The following GORASP2 variants were observed in gnomAD, a reference collection of about 807,000 sequenced individuals.
GORASP2 encodes the protein Golgi reassembly-stacking protein 2.
GORASP2 carries 22 observed loss-of-function variants against 45.7 expected under a neutral mutation model. That is an observed-to-expected ratio of 0.48 (90% CI 0.34 to 0.69). The LOEUF (loss-of-function observed/expected upper bound fraction) is 0.69. GORASP2 is among the 30% of genes least tolerant of loss of function. The pLI, the probability that GORASP2 is intolerant of heterozygous loss-of-function variation, is 0.01. For missense variants in GORASP2, 491 were observed against 562.7 expected (o/e 0.87, Z 1.29); for synonymous variants, 221 against 215.6 (o/e 1.02, Z -0.22).
chr2:170,948,326 T>C (rs1469104396), intron 1 of GORASP2, 24 bp from the exon 2 acceptor site: 2 of 1,396,262 alleles, frequency 1.4e-6, no homozygotes, highest in South Asian at 2.4e-5. Context: ...ACATTTTTTA[T>C]TTTTGTCGTT....
intron 7 of GORASP2, among the ~76,000 whole-genome samples, chr2:170,956,862 C>T (rs550829295): frequency 2.6e-5 from 4 of 151,780 alleles, no homozygotes; most frequent in South Asian, 2.1e-4. Context: ...AGCAGTGAGC[C>T]GTGATTGTGC....
At position 170,954,763 on chromosome 2, in the gene GORASP2, T is replaced by G. The variant is rs1436082760; in HGVS notation, c.680T>G (p.Leu227Arg). Residue 227 changes from leucine to arginine, a missense_variant, in exon 6 of 10, where the codon CTT becomes CGT. This residue lies in a region of GORASP2 where 297 missense variants were observed against 292.3 expected (regional missense o/e 1.02). Coordinates refer to ENST00000234160, the MANE Select transcript of GORASP2 (RefSeq NM_015530.5). Reference sequence around the variant, plus strand: ...ATGGCTGGTACACCTATTACACCTCTTAAAGATGGGTTTACAGAGGTAAGA... The same window carrying G: ...ATGGCTGGTACACCTATTACACCTCGTAAAGATGGGTTTACAGAGGTAAGA... ...GQMAGTPITP[L>R]KDGFTEVQLS... 1 of 1,613,364 alleles carries G rather than the reference T, an allele frequency of 6.2e-7. No homozygotes were observed. Among genetic ancestry groups the G allele is most frequent in the Non-Finnish European group, 8.5e-7 (1 of 1,179,642 alleles).
chr2:170,930,212 G>T (rs1256287367), intron 1 of GORASP2, among the ~76,000 whole-genome samples: 2 of 152,178 alleles, frequency 1.3e-5, no homozygotes. Flanking sequence ...CTCAAAAGGC[G>T]TCAGCTAAGC....
chr2:170,928,519 A>T (rs568514887), upstream of GORASP2: 1 of 152,308 alleles, frequency 6.6e-6, no homozygotes, highest in Non-Finnish European at 1.5e-5. Flanking sequence ...ACGGAATACG[A>T]CAACGGAATA....
chr2:170,962,796 G>C lies in GORASP2; in HGVS notation c.911-43G>C. ...TACACGAGGATTTATTTCTTCCCCA[G>C]GTCAAGTGATTTCTCTTTTTTTCTT... is the stretch of plus-strand genomic sequence containing the variant. On this transcript the variant is annotated intron_variant, in intron 8 of 9. Coordinates refer to ENST00000234160, the MANE Select transcript of GORASP2 (RefSeq NM_015530.5). 3.1e-6 allele frequency: 4 copies of C among 1,291,934 alleles called. No individual in the cohort carries two copies. The Admixed American group carries it at 5.0e-5, about 16-fold the overall frequency. 80.0% of individuals were successfully genotyped at this position (1,291,934 alleles called of 1,614,324 possible). A position where few individuals can be genotyped will look rare whatever the true frequency, so the allele number is the denominator to read the frequency against.
intron 7 of GORASP2, among the ~76,000 whole-genome samples, chr2:170,959,323 C>A (rs994245881): frequency 6.6e-6 from 1 of 152,190 alleles, no homozygotes; most frequent in Non-Finnish European, 1.5e-5. Flanking sequence ...AGTTTCTCTT[C>A]GACATTTTAA....
Position 170,956,455 on chromosome 2 carries a change from A to G in GORASP2, c.719A>G (p.Asn240Ser). The G allele has an allele frequency of 6.2e-7, 1 of 1,612,742 alleles. No individual in the cohort carries two copies. Among genetic ancestry groups the G allele is most frequent in the Non-Finnish European group, 8.5e-7 (1 of 1,179,582 alleles). The change falls in exon 7 of 10, where the codon AAT (asparagine) becomes AGT (serine). Residue 240 changes from asparagine (N) to serine (S), a missense_variant. Around this residue, in one of 2 missense-constraint regions of GORASP2, gnomAD observed 297 missense variants for 292.3 expected, o/e 1.02. Coordinates refer to ENST00000234160, the MANE Select transcript of GORASP2 (RefSeq NM_015530.5). The stretch of plus-strand genomic sequence containing the variant: ...TGGAAGGTCCAGCTGTCCTCAGTTA[A>G]TCCCCCGTCTTTGTCACCACCAGGA... Reference protein sequence around the residue: ...GFTEVQLSSVNPPSLSPPGTT... With the variant: ...GFTEVQLSSVSPPSLSPPGTT...
chr2:170,949,359 C>T (rs1704244891), intron 2 of GORASP2, among the ~76,000 whole-genome samples, 180 bp from the exon 3 acceptor site: 1 of 152,198 alleles, frequency 6.6e-6, no homozygotes, highest in African/African-American at 2.4e-5. Context: ...TTGTTGCTAA[C>T]GTAAGAGTTC....
chr2:170,949,727 T>C lies in GORASP2; in HGVS notation c.333T>C (p.Asn111=). ...RFCSFDGANE[N]VWHVLEVESN... ...GCAGCTTTGATGGGGCAAATGAAAA[T>C]GTTTGGCATGTGCTGGTACGTATCA... The change falls in exon 3 of 10, where the codon AAT becomes AAC. Residue 111 remains asparagine, a synonymous_variant. Coordinates refer to ENST00000234160, the MANE Select transcript of GORASP2 (RefSeq NM_015530.5). 6.2e-7 allele frequency: 1 copy of C among 1,612,608 alleles called. No homozygotes were observed. The highest frequency in any genetic ancestry group is 8.5e-7 in the Non-Finnish European group (1 of 1,178,640).
intron 9 of GORASP2, among the ~76,000 whole-genome samples, chr2:170,964,552 G>A (rs1360877108): frequency 1.3e-5 from 2 of 151,922 alleles, no homozygotes; most frequent in African/African-American, 4.8e-5. Context: ...ACTCGGGAAG[G>A]TGAGGCAGGA....
intron 7 of GORASP2, among the ~76,000 whole-genome samples, chr2:170,961,162 C>T (rs2723229): frequency 0.065 from 9,828 of 152,260 alleles, 936 homozygotes; most frequent in African/African-American, 0.21. Flanking sequence ...AAGTCATTCT[C>T]TCCATCCTAG....
chr2:170,950,990 A>T (rs1200821645), intron 4 of GORASP2, among the ~76,000 whole-genome samples: 1 of 152,168 alleles, frequency 6.6e-6, no homozygotes, highest in Non-Finnish European at 1.5e-5. Flanking sequence ...TCTCAAAAAA[A>T]GAAGAAAAAA....
In GORASP2 at chr2:170,937,286, G is replaced by A. The variant is rs148869880; in HGVS notation, c.63+7883G>A. On this transcript the variant is annotated intron_variant, in intron 1 of 9. Coordinates refer to ENST00000234160, the MANE Select transcript of GORASP2 (RefSeq NM_015530.5). ...TGCAGTGTCACAGTCCCAGCTCACCGCAGCCTCGACTTCATGGGCTCCAGC... is the reference window on the plus strand; with the variant it reads ...TGCAGTGTCACAGTCCCAGCTCACCACAGCCTCGACTTCATGGGCTCCAGC... 1.3e-4 allele frequency among the ~76,000 whole-genome samples: 20 copies of A among 152,152 alleles called. No homozygotes were observed. In the East Asian group the frequency reaches 2.9e-3, roughly 22 times the overall value.
chr2:170,962,266 A>C (rs1704580934), intron 8 of GORASP2, among the ~76,000 whole-genome samples: 1 of 152,242 alleles, frequency 6.6e-6, no homozygotes, highest in Non-Finnish European at 1.5e-5. Flanking sequence ...TTTCATTGTG[A>C]GGGCTTTTAA....
chr2:170,937,880 T>C (rs552717672), intron 1 of GORASP2, among the ~76,000 whole-genome samples: 1 of 152,328 alleles, frequency 6.6e-6, no homozygotes, highest in South Asian at 2.1e-4. Flanking sequence ...TGAGAAACTA[T>C]CATAGTCAAC....
intron 7 of GORASP2, among the ~76,000 whole-genome samples, chr2:170,959,556 A>C (rs1427361688): frequency 6.6e-6 from 1 of 152,240 alleles, no homozygotes; most frequent in Non-Finnish European, 1.5e-5. Flanking sequence ...CACGTGAGAA[A>C]CAACTTTTTG....
chr2:170,929,296 G>C lies in GORASP2; in HGVS notation c.-45G>C. 7.6e-7 allele frequency: 1 copy of C among 1,314,610 alleles called. No homozygotes were observed. 81.4% of individuals were successfully genotyped at this position (1,314,610 alleles called of 1,614,324 possible). ...TAGAGCAGGCGGTGCGCTGGGGGCG[G>C]GAGCAGCGCGGAGCCCGGCTCGGCC... is the stretch of plus-strand genomic sequence containing the variant. On this transcript the variant is annotated 5_prime_UTR_variant, in exon 1 of 10. Coordinates refer to ENST00000234160, the MANE Select transcript of GORASP2 (RefSeq NM_015530.5).
chr2:170,962,963 A>C lies in GORASP2; in HGVS notation c.1018+17A>C. The stretch of plus-strand genomic sequence containing the variant: ...TAAACCCAGGTATGTTGCAGATCTC[A>C]CCCTCCTAGGACTCTCTCTAATAAA... On this transcript the variant is annotated intron_variant, in intron 9 of 9. Coordinates refer to ENST00000234160, the MANE Select transcript of GORASP2 (RefSeq NM_015530.5). The C allele has an allele frequency of 8.7e-5, 131 of 1,499,390 alleles. No homozygotes were observed. Among genetic ancestry groups the C allele is most frequent in the Non-Finnish European group, 1.1e-4 (119 of 1,075,504 alleles). 92.9% of individuals were successfully genotyped at this position (1,499,390 alleles called of 1,614,324 possible).
At chr2:170,929,831 C>G (rs1392594106) in intron 1 of GORASP2, 1 of 460,720 alleles carries the variant, frequency 2.2e-6, no homozygotes, top group South Asian at 1.6e-5. Context: ...GGGATCCGGA[C>G]CCGCAGTCCG....
Sources: gnomAD v4.1 joint callset for allele counts (sites outside exome capture counted in the v4.1 genomes callset) on GRCh38, gnomAD v4.1.1 for gene constraint, gnomAD v4.1.1 regional missense constraint, MANE v1.5 for transcripts, NCBI Gene and HGNC (gene_info 2026-07-23, HGNC 2026-07-21) for gene names.